DLG2: variants seen among roughly 807,000 people sequenced by gnomAD.
DLG2 encodes the protein discs large MAGUK scaffold protein 2.
In DLG2, 45 loss-of-function variants were observed where a neutral mutation model predicts 132.5. That is an observed-to-expected ratio of 0.34 (90% CI 0.27 to 0.44). The LOEUF (loss-of-function observed/expected upper bound fraction) is 0.44. Ranked by LOEUF, DLG2 falls within the 20% of genes least tolerant of loss-of-function variation. DLG2 has a pLI of 1.00. For missense variants in DLG2, 1,045 were observed against 1,196.9 expected, an observed-to-expected ratio of 0.87 and a Z score of 1.87; for synonymous variants, 424 against 419.6, an observed-to-expected ratio of 1.01 and a Z score of -0.13.
intron 18 of DLG2, among the ~76,000 whole-genome samples, chr11:83,712,479 A>C (rs747168712): frequency 3.2e-4 from 49 of 151,820 alleles, no homozygotes; most frequent in Middle Eastern, 3.2e-3. Context: ...AAATACAAAA[A>C]ATTAGCCCGG....
At chr11:84,364,226 A>G (rs980250838) in intron 7 of DLG2, among the ~76,000 whole-genome samples, 4 of 151,932 alleles carry the variant, frequency 2.6e-5, no homozygotes, top group African/African-American at 4.8e-5. Context: ...GGTCCTTCAC[A>G]TCCCTTGTAA....
At chr11:83,495,381 A>T (rs2094098425) in intron 21 of DLG2, among the ~76,000 whole-genome samples, 1 of 152,142 alleles carries the variant, frequency 6.6e-6, no homozygotes, top group African/African-American at 2.4e-5. Context: ...TGACAAAAAC[A>T]ATCTAATTTT....
chr11:84,023,613 G>T (rs2095460079), intron 11 of DLG2, among the ~76,000 whole-genome samples: 1 of 152,094 alleles, frequency 6.6e-6, no homozygotes, highest in Non-Finnish European at 1.5e-5. Flanking sequence ...TATGCAGATG[G>T]TTTCTCAATA....
chr11:85,456,582 A>G (rs2092429801), intron 3 of DLG2, among the ~76,000 whole-genome samples: 1 of 152,000 alleles, frequency 6.6e-6, no homozygotes, highest in African/African-American at 2.4e-5. Flanking sequence ...TAGATCTTTC[A>G]AGCCTTTCGA....
In DLG2 at chr11:83,740,599, C is replaced by T. The variant is rs535342921; in HGVS notation, c.1825+46091G>A. Among the ~76,000 whole-genome samples the T allele has an allele frequency of 9.9e-5, 15 of 152,240 alleles. No individual in the cohort carries two copies. The South Asian group carries it at 3.1e-3, about 32-fold the overall frequency. On this transcript the variant is annotated intron_variant, in intron 18 of 27. Coordinates refer to ENST00000376104, the MANE Select transcript of DLG2 (RefSeq NM_001142699.3). The stretch of plus-strand genomic sequence containing the variant: ...TATCTTCACTATGTATTAGCATAAG[C>T]TGTATACTTCTGATTTGTGCATTTT...
intron 15 of DLG2, among the ~76,000 whole-genome samples, chr11:83,908,517 C>T (rs919638191): frequency 6.6e-6 from 1 of 152,024 alleles, no homozygotes; most frequent in African/African-American, 2.4e-5. Context: ...CACATACACA[C>T]CTACAAAAAC....
intron 11 of DLG2, among the ~76,000 whole-genome samples, chr11:84,046,281 T>C (rs1483139594): frequency 1.3e-5 from 2 of 151,614 alleles, no homozygotes; most frequent in East Asian, 3.9e-4. Flanking sequence ...CTATTAAACG[T>C]AATGAGTGAA....
At chr11:84,377,050 A>T (rs1195181786) in intron 7 of DLG2, among the ~76,000 whole-genome samples, 1 of 152,096 alleles carries the variant, frequency 6.6e-6, no homozygotes, top group East Asian at 1.9e-4. Context: ...CCAATGATAA[A>T]TTTCAACATC....
intron 26 of DLG2, among the ~76,000 whole-genome samples, chr11:83,465,774 G>A (rs1226541517): frequency 6.6e-6 from 1 of 152,152 alleles, no homozygotes. Context: ...TTATTAGTAT[G>A]CCTCGTTTCG....
At chr11:84,298,276 A>G (rs538120455) in intron 7 of DLG2, among the ~76,000 whole-genome samples, 1 of 152,352 alleles carries the variant, frequency 6.6e-6, no homozygotes, top group East Asian at 1.9e-4. Flanking sequence ...TATATGTTTC[A>G]TGCAAATCAA....
chr11:83,508,330 G>A lies in DLG2; in HGVS notation c.2194-24102C>T, dbSNP rs532868104. On this transcript the variant is annotated intron_variant, in intron 21 of 27. Coordinates refer to ENST00000376104, the MANE Select transcript of DLG2 (RefSeq NM_001142699.3). ...CAACTCACTGCAAACTCTGCCTCCC[G>A]GGTTCACGCCATTCTTCTGCCTCAG... is the stretch of plus-strand genomic sequence containing the variant. Among the ~76,000 whole-genome samples the A allele has an allele frequency of 8.1e-5, 12 of 149,050 alleles. No homozygotes were observed. The South Asian group carries it at 1.1e-3, about 13-fold the overall frequency.
chr11:83,601,510 CTTTTTT>C (rs71066054), intron 19 of DLG2, among the ~76,000 whole-genome samples: 9 of 94,556 alleles, frequency 9.5e-5, no homozygotes, highest in South Asian at 8.4e-4. Context: ...ATGTGATGTT[CTTTTTT>C]TTTTTTTTTT....
rs559001762 is a variant in DLG2 at position 84,512,759 on chromosome 11, T to C, written c.519+21811A>G. On this transcript the variant is annotated intron_variant, in intron 7 of 27. Coordinates refer to ENST00000376104, the MANE Select transcript of DLG2 (RefSeq NM_001142699.3). Reference sequence around the variant, plus strand: ...AAAAAAAAAAGACAACCAAGAATAATGGGTAAAGAAAATGTGGCACGTATA... The same window carrying C: ...AAAAAAAAAAGACAACCAAGAATAACGGGTAAAGAAAATGTGGCACGTATA... Among the ~76,000 whole-genome samples, 8 of 149,344 alleles carry C rather than the reference T, an allele frequency of 5.4e-5. No individual in the cohort carries two copies. The South Asian group carries it at 1.5e-3, about 27-fold the overall frequency.
In DLG2 at chr11:84,861,075, G is replaced by A. The variant is rs1367481389; in HGVS notation, c.357+250586C>T. On this transcript the variant is annotated intron_variant, in intron 6 of 27. Coordinates refer to ENST00000376104, the MANE Select transcript of DLG2 (RefSeq NM_001142699.3). Reference sequence around the variant, plus strand: ...GAAGTAAACAACCACAATACAGTATGAGAAATACCACTAAAATGGTACTTG... The same window carrying A: ...GAAGTAAACAACCACAATACAGTATAAGAAATACCACTAAAATGGTACTTG... Among the ~76,000 whole-genome samples the A allele has an allele frequency of 4.6e-5, 7 of 152,128 alleles. No individual in the cohort carries two copies. In the South Asian group the frequency reaches 1.0e-3, roughly 23 times the overall value.
chr11:83,715,425 G>A (rs2086464854), intron 18 of DLG2, among the ~76,000 whole-genome samples: 1 of 152,138 alleles, frequency 6.6e-6, no homozygotes, highest in Admixed American at 6.6e-5. Flanking sequence ...TTCAAAACCT[G>A]GGAACGACTA....
At chr11:84,298,461 C>T (rs1163610839) in intron 7 of DLG2, among the ~76,000 whole-genome samples, 2 of 152,152 alleles carry the variant, frequency 1.3e-5, no homozygotes, top group Non-Finnish European at 2.9e-5. Context: ...CCCCGCCTTG[C>T]CAAATATAAC....
chr11:85,408,119 T>G (rs989912107), intron 3 of DLG2, among the ~76,000 whole-genome samples: 4 of 150,806 alleles, frequency 2.7e-5, no homozygotes, highest in Admixed American at 2.0e-4. Context: ...CTTTTTATCT[T>G]AAAAATTCTG....
chr11:85,453,001 G>A lies in DLG2; in HGVS notation c.40+145656C>T, dbSNP rs148330083. The A allele has an allele frequency of 2.6e-3, 489 of 186,678 alleles. 3 individuals are homozygous for A. Among genetic ancestry groups the A allele is most frequent in the Non-Finnish European group, 4.3e-3 (373 of 87,134 alleles). 11.6% of individuals were successfully genotyped at this position (186,678 alleles called of 1,614,324 possible). ...CTGATCAAAGACAGTATTTGAACCC[G>A]AGCCATCTCTGCTAAAGGCACGGCC... is the stretch of plus-strand genomic sequence containing the variant. On this transcript the variant is annotated intron_variant, in intron 3 of 27. Transcript: ENST00000376104.
intron 15 of DLG2, among the ~76,000 whole-genome samples, chr11:83,904,366 A>G (rs1012286977): frequency 2.7e-5 from 4 of 147,864 alleles, no homozygotes; most frequent in African/African-American, 1.0e-4. Flanking sequence ...AATTAGTGTT[A>G]TAAGCACAAT....
Sources: gnomAD v4.1 joint callset for allele counts (sites outside exome capture counted in the v4.1 genomes callset) on GRCh38, gnomAD v4.1.1 for gene constraint, MANE v1.5 for transcripts, NCBI Gene and HGNC (gene_info 2026-07-23, HGNC 2026-07-21) for gene names.